MUC5AC: variants seen among roughly 807,000 people sequenced by gnomAD.
MUC5AC encodes the protein mucin 5AC, oligomeric mucus/gel-forming.
MUC5AC carries 158 observed loss-of-function variants against 169.7 expected under a neutral mutation model. The observed-to-expected ratio is 0.93, with a 90% CI of 0.82 to 1.06. MUC5AC has a LOEUF of 1.06. Among genes scored for constraint, MUC5AC ranks in the 50% least tolerant of loss-of-function variants. MUC5AC has a pLI of 0.00. For synonymous variants in MUC5AC, 1,975 were observed against 1,237.0 expected, an observed-to-expected ratio of 1.60 and a Z score of -12.52; for missense variants, 4,359 against 3,089.9, an observed-to-expected ratio of 1.41 and a Z score of -9.74.
rs769691546 is a variant in MUC5AC, at chr11:1,191,873, C to T, written c.13728C>T (p.Ser4576=). ...GTTPSPVPTT[S]TTSAPTTSTT... is the part of the protein sequence containing the mutation. Reference sequence around the variant, plus strand: ...CTCCCAGCCCTGTTCCCACCACCAGCACAACCTCTGCTCCTACAACCAGCA... The same window carrying T: ...CTCCCAGCCCTGTTCCCACCACCAGTACAACCTCTGCTCCTACAACCAGCA... Residue 4576 remains serine (S), a synonymous_variant, in exon 31 of 49, where the codon AGC becomes AGT. Transcript: ENST00000621226. 97 of 762,940 alleles carry T rather than the reference C, an allele frequency of 1.3e-4. No homozygotes were observed. The highest frequency in any genetic ancestry group is 1.9e-4 in the Non-Finnish European group (78 of 417,380). 47.3% of individuals were successfully genotyped at this position (762,940 alleles called of 1,614,324 possible).
intron 2 of MUC5AC, among the ~76,000 whole-genome samples, chr11:1,161,110 C>T (rs1376511569): frequency 6.6e-6 from 1 of 152,194 alleles, no homozygotes; most frequent in African/African-American, 2.4e-5. Context: ...GCAGCCCTGG[C>T]AGAGGCAGGG....
chr11:1,185,389 C>T lies in MUC5AC; in HGVS notation c.7244C>T (p.Ala2415Val). ...GCCACTACAACCAGCACAACCTCAGCTCCTACAACCAGCACAACCTCTGCC... is the reference window on the plus strand; with the variant it reads ...GCCACTACAACCAGCACAACCTCAGTTCCTACAACCAGCACAACCTCTGCC... ...TSATTTSTTS[A>V]PTTSTTSAPT... Residue 2415 changes from alanine (A) to valine (V), a missense_variant, in exon 31 of 49, where the codon GCT (alanine) becomes GTT (valine). Coordinates refer to ENST00000621226, the MANE Select transcript of MUC5AC (RefSeq NM_001304359.2). 1 of 732,588 alleles carries T rather than the reference C, an allele frequency of 1.4e-6. No individual in the cohort carries two copies. 45.4% of individuals were successfully genotyped at this position (732,588 alleles called of 1,614,324 possible).
At chr11:1,195,779 C>A in intron 36 of MUC5AC, 97 bp from the exon 37 acceptor site, 1 of 646,390 alleles carries the variant, frequency 1.5e-6, no homozygotes, top group East Asian at 2.7e-5. Context: ...CTGGGACTCG[C>A]CTCGCCTGGA....
Position 1,171,947 on chromosome 11 carries a change from T to TCATC in MUC5AC, c.1871-480_1871-479insTCCA, listed in dbSNP as rs1590139480. Among the ~76,000 whole-genome samples, 275 of 81,062 alleles carry TCATC rather than the reference T, an allele frequency of 3.4e-3. 3 individuals carry two copies. The highest frequency in any genetic ancestry group is 0.028 in the Admixed American group (176 of 6,322). 53.2% of individuals were successfully genotyped at this position (81,062 alleles called of 152,430 possible). A position where few individuals can be genotyped will look rare whatever the true frequency, so the allele number is the denominator to read the frequency against. On this transcript the variant is annotated intron_variant, in intron 15 of 48. Transcript: ENST00000621226. ...CTCACTCACTCATCCACTCATTCACTCACTCACTCACTCACTCACTCACTC... is the reference window on the plus strand; with the variant it reads ...CTCACTCACTCATCCACTCATTCACTCATCCACTCACTCACTCACTCACTCACTC...
intron 11 of MUC5AC, 30 bp downstream of exon 11, chr11:1,165,790 G>A (rs748447919): frequency 6.2e-6 from 10 of 1,609,118 alleles, no homozygotes; most frequent in South Asian, 4.4e-5. Context: ...GGTGCTCGCC[G>A]GACAGAGGGG....
At chr11:1,194,886 C>A in intron 35 of MUC5AC, 126 bp from the exon 36 acceptor site, 1 of 622,452 alleles carries the variant, frequency 1.6e-6, no homozygotes, top group Admixed American at 2.5e-5. Flanking sequence ...GACAGTGAGG[C>A]ACAGGCAGGG....
Position 1,164,539 on chromosome 11 carries a change from C to A in MUC5AC, c.1129+7C>A. ...GGCTGCTTCTGCCCTGAGGGTGAGG[C>A]TCCCCCGCCCCTGGGAAACACAGGT... On this transcript the variant is annotated splice_region_variant and intron_variant, in intron 9 of 48. Transcript: ENST00000621226. 6.2e-7 allele frequency: 1 copy of A among 1,600,442 alleles called. No homozygotes were observed. Among genetic ancestry groups the A allele is most frequent in the Non-Finnish European group, 8.5e-7 (1 of 1,174,352 alleles).
At chr11:1,181,533 G>A (rs964917508) in intron 30 of MUC5AC, 74 bp downstream of exon 30, 7 of 396,474 alleles carry the variant, frequency 1.8e-5, no homozygotes, top group Admixed American at 4.4e-5. Flanking sequence ...CTTGCTGGAC[G>A]CTGAGGTCAC....
At chr11:1,198,400 C>T (rs56013970) in intron 43 of MUC5AC, 95 bp downstream of exon 43, 17,751 of 691,622 alleles carry the variant, frequency 0.026, 339 homozygotes, top group Non-Finnish European at 0.035. Context: ...CTGCCAACTC[C>T]GGCCGAGGCC....
chr11:1,197,193 C>T (rs1590153901), intron 40 of MUC5AC, among the ~76,000 whole-genome samples: 1 of 152,312 alleles, frequency 6.6e-6, no homozygotes, highest in East Asian at 1.9e-4. Flanking sequence ...CTGTGCTCTT[C>T]CCTTCCTTGG....
At chr11:1,181,720 C>T (rs1860819599) in intron 30 of MUC5AC, among the ~76,000 whole-genome samples, 1 of 152,206 alleles carries the variant, frequency 6.6e-6, no homozygotes, top group Non-Finnish European at 1.5e-5. Flanking sequence ...AGCCCCCGGG[C>T]CTGGCCTCAT....
rs1861415797 is a variant in MUC5AC at position 1,200,987 on chromosome 11, C to A, written c.*285C>A. ...GCTGTTCTGGGGACGTGAGCATCAC[C>A]TGAGGGTCTCAGGAATGACGCTTGG... On this transcript the variant is annotated 3_prime_UTR_variant, in exon 49 of 49. Transcript: ENST00000621226. 1 of 326,852 alleles carries A rather than the reference C, an allele frequency of 3.1e-6. No individual in the cohort carries two copies. The highest frequency in any genetic ancestry group is 5.6e-6 in the Non-Finnish European group (1 of 178,462). 20.2% of individuals were successfully genotyped at this position (326,852 alleles called of 1,614,324 possible).
chr11:1,187,849 A>G lies in MUC5AC; in HGVS notation c.9704A>G (p.Asp3235Gly). ...ACCTGGACCAAGTGGTTTGACATAG[A>G]CTTCCCATCCCCTGGACCCCACGGC... is the stretch of plus-strand genomic sequence containing the variant. Reference protein sequence around the residue: ...RCTWTKWFDIDFPSPGPHGGD... With the variant: ...RCTWTKWFDIGFPSPGPHGGD... Residue 3235 changes from aspartate (D) to glycine (G), a missense_variant, in exon 31 of 49, where the codon GAC becomes GGC. Physicochemically the swap from Asp to Gly is moderately conservative, Grantham distance 94 (BLOSUM62 -1). Coordinates refer to ENST00000621226, the MANE Select transcript of MUC5AC (RefSeq NM_001304359.2). 1.3e-6 allele frequency: 1 copy of G among 764,348 alleles called. No individual in the cohort carries two copies. The highest frequency in any genetic ancestry group is 2.4e-6 in the Non-Finnish European group (1 of 417,410). The allele number at this position is 764,348 out of a possible 1,614,324, so 47.3% of individuals were successfully genotyped here.
intron 9 of MUC5AC, 116 bp downstream of exon 9, chr11:1,164,648 C>T (rs1180428411): frequency 1.7e-5 from 23 of 1,381,538 alleles, no homozygotes; most frequent in Non-Finnish European, 2.1e-5. Flanking sequence ...GCCCCTGAGG[C>T]TGACTGAGGC....
At chr11:1,167,830 G>A in intron 11 of MUC5AC, 47 bp from the exon 12 acceptor site, 5 of 1,493,572 alleles carry the variant, frequency 3.3e-6, no homozygotes, top group Non-Finnish European at 4.6e-6. Flanking sequence ...CAGGTGGGCT[G>A]GGCGTTGGAT....
At chr11:1,160,278 G>A (rs757699205) in intron 1 of MUC5AC, among the ~76,000 whole-genome samples, 2 of 152,250 alleles carry the variant, frequency 1.3e-5, no homozygotes, top group East Asian at 1.9e-4. Flanking sequence ...GGTCCCAAGC[G>A]TGGCAGCGTG....
At position 1,186,259 on chromosome 11, in the gene MUC5AC, C is replaced by G; in HGVS notation, c.8114C>G (p.Thr2705Ser). 8.0e-6 allele frequency: 6 copies of G among 745,506 alleles called. No individual in the cohort carries two copies. Among genetic ancestry groups the G allele is most frequent in the Non-Finnish European group, 1.2e-5 (5 of 407,964 alleles). The allele number at this position is 745,506 out of a possible 1,614,324, so 46.2% of individuals were successfully genotyped here. ...GGAACTACTCCCAGCCCTGTTCCCA[C>G]CACCAGCACAACCTCTGCTCCCACA... is the stretch of plus-strand genomic sequence containing the variant. ...GPGTTPSPVP[T>S]TSTTSAPTTS... Residue 2705 changes from threonine (T) to serine (S), a missense_variant, in exon 31 of 49, where the codon ACC (threonine) becomes AGC (serine). Thr to Ser is a moderately conservative substitution (Grantham distance 58). Coordinates refer to ENST00000621226, the MANE Select transcript of MUC5AC (RefSeq NM_001304359.2).
At chr11:1,172,253 G>GC (rs1860567094) in intron 15 of MUC5AC, among the ~76,000 whole-genome samples, 176 bp from the exon 16 acceptor site, 1 of 152,212 alleles carries the variant, frequency 6.6e-6, no homozygotes, top group Admixed American at 6.5e-5. Flanking sequence ...GTTTGGGGGA[G>GC]CTTTTCCTCG....
chr11:1,173,738 A>T, intron 16 of MUC5AC, among the ~76,000 whole-genome samples: 1 of 148,696 alleles, frequency 6.7e-6, no homozygotes, highest in African/African-American at 2.5e-5. Context: ...TCATCCACTC[A>T]CTCACTCACT....
Sources: allele counts gnomAD v4.1 joint callset (sites outside exome capture counted in the v4.1 genomes callset), GRCh38; gene constraint gnomAD v4.1.1; transcripts MANE v1.5; gene names NCBI Gene and HGNC (gene_info 2026-07-23, HGNC 2026-07-21).